ANK3: variants seen among roughly 807,000 people sequenced by gnomAD.
ANK3 encodes the protein ankyrin-3.
In ANK3, 57 loss-of-function variants were observed where a neutral mutation model predicts 370.9. That is an observed-to-expected ratio of 0.15 (90% CI 0.12 to 0.19). The LOEUF is 0.19. Among genes scored for constraint, ANK3 ranks in the 10% least tolerant of loss-of-function variants. ANK3 has a pLI of 1.00. For missense variants in ANK3, 4,439 were observed against 5,302.1 expected, an observed-to-expected ratio of 0.84 and a Z score of 5.06; for synonymous variants, 1,929 against 1,946.3, an observed-to-expected ratio of 0.99 and a Z score of 0.23.
At chr10:60,354,606 G>A (rs182987960) in intron 1 of ANK3, among the ~76,000 whole-genome samples, 16 of 152,236 alleles carry the variant, frequency 1.1e-4, no homozygotes, top group East Asian at 1.9e-4. Context: ...TTAGGAAACC[G>A]TTTGCTGCCA....
chr10:60,707,633 T>G (rs1358243863), intron 1 of ANK3, among the ~76,000 whole-genome samples: 1 of 150,802 alleles, frequency 6.6e-6, no homozygotes, highest in Non-Finnish European at 1.5e-5. Context: ...AAATTTAAAT[T>G]TTATATAGAT....
chr10:60,541,283 C>T (rs1220739225), intron 2 of ANK3, among the ~76,000 whole-genome samples: 2 of 151,962 alleles, frequency 1.3e-5, no homozygotes, highest in African/African-American at 2.4e-5. Flanking sequence ...GCGGGATTTT[C>T]ATTTTCTGAT....
intron 1 of ANK3, among the ~76,000 whole-genome samples, chr10:60,372,039 G>A (rs887842239): frequency 6.6e-6 from 1 of 152,114 alleles, no homozygotes; most frequent in Non-Finnish European, 1.5e-5. Flanking sequence ...GAATATTAGA[G>A]GGAAAAAGCT....
chr10:60,666,894 T>C (rs892617594), intron 1 of ANK3, among the ~76,000 whole-genome samples: 7 of 152,110 alleles, frequency 4.6e-5, no homozygotes, highest in Non-Finnish European at 8.8e-5. Flanking sequence ...GGAGCAATTT[T>C]GAAAGACTGT....
At chr10:60,270,534 A>C (rs1482691813) in intron 4 of ANK3, among the ~76,000 whole-genome samples, 1 of 152,210 alleles carries the variant, frequency 6.6e-6, no homozygotes. Flanking sequence ...AAGTACACTC[A>C]CTTAGTCATC....
intron 1 of ANK3, among the ~76,000 whole-genome samples, chr10:60,325,042 T>C (rs569119861): frequency 1.8e-3 from 267 of 152,330 alleles, no homozygotes; most frequent in African/African-American, 6.1e-3. Flanking sequence ...TAATGTACTC[T>C]GCTTACCCTG....
At chr10:60,370,922 A>T (rs970945333) in intron 1 of ANK3, among the ~76,000 whole-genome samples, 6 of 152,136 alleles carry the variant, frequency 3.9e-5, no homozygotes, top group African/African-American at 1.4e-4. Context: ...GGAGGAAAGG[A>T]GGGGGCATAA....
At chr10:60,415,253 C>T (rs2132938879) in intron 2 of ANK3, among the ~76,000 whole-genome samples, 1 of 152,272 alleles carries the variant, frequency 6.6e-6, no homozygotes, top group Non-Finnish European at 1.5e-5. Flanking sequence ...GTGGAAGGAG[C>T]ATCATGCCTC....
chr10:60,583,960 A>G (rs941332088), intron 2 of ANK3, among the ~76,000 whole-genome samples: 1 of 152,086 alleles, frequency 6.6e-6, no homozygotes, highest in Non-Finnish European at 1.5e-5. Flanking sequence ...TCCTAATTTG[A>G]TCTTTACACA....
intron 25 of ANK3, among the ~76,000 whole-genome samples, chr10:60,131,731 A>G (rs2094080412): frequency 6.6e-6 from 1 of 152,164 alleles, no homozygotes; most frequent in Non-Finnish European, 1.5e-5. Context: ...TTCAATGTTG[A>G]TGTGCAGAAG....
chr10:60,073,975 T>A lies in ANK3; in HGVS notation c.6906A>T (p.Pro2302=), dbSNP rs779078389. The A allele has an allele frequency of 1.9e-6, 3 of 1,613,982 alleles. No homozygotes were observed. In the African/African-American group the frequency reaches 4.0e-5, roughly 22 times the overall value. ...TTTCAGCAGCAGACTTGTGAACATC[T>A]GGAGACACTGCCGACTTATGTTCAA... ...GLFEHKSAVS[P]DVHKSAAETS... is the part of the protein sequence containing the mutation. Residue 2302 remains proline, a synonymous_variant, in exon 37 of 44, where the codon CCA becomes CCT. Coordinates refer to ENST00000280772, the MANE Select transcript of ANK3 (RefSeq NM_020987.5).
chr10:60,386,773 G>T (rs1056955064), intron 1 of ANK3, among the ~76,000 whole-genome samples: 7 of 152,102 alleles, frequency 4.6e-5, no homozygotes, highest in African/African-American at 1.7e-4. Context: ...TGAACTGCAG[G>T]AGTGTCATGG....
intron 43 of ANK3, among the ~76,000 whole-genome samples, chr10:60,037,502 G>GTT (rs1378890882): frequency 1.3e-5 from 2 of 151,912 alleles, no homozygotes; most frequent in South Asian, 4.2e-4. Context: ...GTGTCCATGT[G>GTT]TTCTCATCAT....
At chr10:60,356,246 A>G (rs1376672931) in intron 1 of ANK3, among the ~76,000 whole-genome samples, 3 of 152,174 alleles carry the variant, frequency 2.0e-5, no homozygotes, top group African/African-American at 7.2e-5. Context: ...CACAATTTTC[A>G]CAGGAAATTT....
At position 60,596,476 on chromosome 10, in the gene ANK3, G is replaced by A. The variant is rs1012199912; in HGVS notation, c.96+18710C>T. On this transcript the variant is annotated intron_variant, in intron 2 of 43. Coordinates refer to the ANK3 transcript ENST00000373827. ...CAGCCATTACCTTACTATACGCTAT[G>A]GTAGAATCAACTCTTATTTTTAATA... Among the ~76,000 whole-genome samples, 7 of 152,124 alleles carry A rather than the reference G, an allele frequency of 4.6e-5. No homozygotes were observed. The South Asian group carries it at 8.3e-4, about 18-fold the overall frequency.
intron 1 of ANK3, among the ~76,000 whole-genome samples, chr10:60,702,369 G>T (rs181710492): frequency 3.0e-4 from 45 of 152,182 alleles, no homozygotes; most frequent in African/African-American, 1.1e-3. Context: ...TCCTAAGTGA[G>T]ATATATGCAA....
intron 1 of ANK3, among the ~76,000 whole-genome samples, chr10:60,372,536 C>T (rs2060240018): frequency 1.3e-5 from 2 of 152,112 alleles, no homozygotes; most frequent in African/African-American, 4.8e-5. Flanking sequence ...TAGGTTTAGT[C>T]TCAAAATAAG....
intron 7 of ANK3, among the ~76,000 whole-genome samples, chr10:60,246,255 C>CCAAAAAAAA (rs2097550429): frequency 1.1e-5 from 1 of 92,704 alleles, no homozygotes. Context: ...AACCCTGTAT[C>CCAAAAAAAA]AAAAAAAAAA....
At chr10:60,535,764 A>G (rs1011848394) in intron 2 of ANK3, among the ~76,000 whole-genome samples, 1 of 152,042 alleles carries the variant, frequency 6.6e-6, no homozygotes, top group Non-Finnish European at 1.5e-5. Context: ...GTACAGATAT[A>G]CATATACTAC....
Sources: gnomAD v4.1 joint callset for allele counts (sites outside exome capture counted in the v4.1 genomes callset) on GRCh38, gnomAD v4.1.1 for gene constraint, MANE v1.5 for transcripts, NCBI Gene and HGNC (gene_info 2026-07-23, HGNC 2026-07-21) for gene names.